Variants in GRM8 observed in about 807,000 individuals in gnomAD.
GRM8 encodes glutamate metabotropic receptor 8, also known as metabotropic glutamate receptor 8.
A neutral mutation model predicts 87.2 loss-of-function variants in GRM8; 47 were observed. The ratio of observed to expected loss-of-function variants is 0.54; its 90% CI spans 0.43 to 0.69. The LOEUF (loss-of-function observed/expected upper bound fraction) is 0.69. Ranked by LOEUF, GRM8 falls within the 30% of genes least tolerant of loss-of-function variation. The pLI is 0.00. For missense variants in GRM8, 1,019 were observed against 1,139.2 expected (o/e 0.89, Z 1.52); for synonymous variants, 396 against 404.5 (o/e 0.98, Z 0.25).
intron 7 of GRM8, among the ~76,000 whole-genome samples, chr7:126,609,837 G>A (rs1798740280): frequency 6.6e-6 from 1 of 152,236 alleles, no homozygotes; most frequent in African/African-American, 2.4e-5. Flanking sequence ...AGAGAAAAAT[G>A]TAAATGTTTT....
At chr7:126,931,495 A>T (rs1278269310) in intron 3 of GRM8, among the ~76,000 whole-genome samples, 1 of 152,228 alleles carries the variant, frequency 6.6e-6, no homozygotes, top group Non-Finnish European at 1.5e-5. Context: ...CATATCATTC[A>T]CAGATAACTA....
At chr7:126,966,042 T>C (rs1468181638) in intron 3 of GRM8, among the ~76,000 whole-genome samples, 1 of 152,138 alleles carries the variant, frequency 6.6e-6, no homozygotes, top group Non-Finnish European at 1.5e-5. Flanking sequence ...AATAGCACTC[T>C]CTAAAACCAA....
intron 2 of GRM8, among the ~76,000 whole-genome samples, chr7:127,133,379 T>C (rs1392285466): frequency 5.9e-5 from 8 of 134,840 alleles, no homozygotes; most frequent in South Asian, 2.4e-4. Context: ...GGTCACGCCA[T>C]TGCACACCAG....
chr7:127,164,145 C>T (rs570060080), intron 2 of GRM8, among the ~76,000 whole-genome samples: 7 of 152,190 alleles, frequency 4.6e-5, no homozygotes, highest in Middle Eastern at 6.8e-3. Flanking sequence ...TAACTCCCCC[C>T]TCACTCTCTT....
At chr7:126,636,534 T>TA (rs1400186141) in intron 7 of GRM8, among the ~76,000 whole-genome samples, 1 of 152,140 alleles carries the variant, frequency 6.6e-6, no homozygotes, top group Non-Finnish European at 1.5e-5. Context: ...TGCAATTTTT[T>TA]AAAAAATATT....
At chr7:127,071,103 A>G (rs1270283893) in intron 3 of GRM8, among the ~76,000 whole-genome samples, 1 of 152,166 alleles carries the variant, frequency 6.6e-6, no homozygotes, top group Non-Finnish European at 1.5e-5. Flanking sequence ...TATTTCACAG[A>G]AAATAACATC....
intron 7 of GRM8, among the ~76,000 whole-genome samples, chr7:126,753,940 A>C (rs1207798438): frequency 6.6e-6 from 1 of 151,966 alleles, no homozygotes; most frequent in Non-Finnish European, 1.5e-5. Flanking sequence ...CCAGGAAACT[A>C]TGCAAAGACT....
chr7:127,028,205 C>A (rs1313217337), intron 3 of GRM8, among the ~76,000 whole-genome samples: 1 of 152,178 alleles, frequency 6.6e-6, no homozygotes, highest in Non-Finnish European at 1.5e-5. Context: ...GGCAGATAAG[C>A]TCTTTGATGT....
chr7:126,798,020 G>A (rs903733624), intron 6 of GRM8, among the ~76,000 whole-genome samples: 7 of 152,110 alleles, frequency 4.6e-5, no homozygotes, highest in East Asian at 1.9e-4. Flanking sequence ...AGAAGAGAAC[G>A]CCTCTAAGAG....
At chr7:126,926,074 C>T (rs1009411169) in intron 3 of GRM8, among the ~76,000 whole-genome samples, 2 of 151,816 alleles carry the variant, frequency 1.3e-5, no homozygotes, top group African/African-American at 2.4e-5. Context: ...GCAGACTTGC[C>T]AATATTGAAT....
intron 6 of GRM8, among the ~76,000 whole-genome samples, chr7:126,858,703 G>A (rs886096816): frequency 1.3e-5 from 2 of 152,060 alleles, no homozygotes; most frequent in Non-Finnish European, 2.9e-5. Context: ...GAAAAGCAAC[G>A]CTGAAATGAC....
chr7:126,826,021 T>G (rs1313339571), intron 6 of GRM8, among the ~76,000 whole-genome samples: 1 of 152,138 alleles, frequency 6.6e-6, no homozygotes, highest in Non-Finnish European at 1.5e-5. Flanking sequence ...ATTTCCAATT[T>G]CATCCATGTC....
chr7:126,490,019 C>T (rs1345829472), intron 9 of GRM8, among the ~76,000 whole-genome samples: 1 of 152,056 alleles, frequency 6.6e-6, no homozygotes, highest in Admixed American at 6.6e-5. Context: ...AGGCCTTCAG[C>T]CTCCAACTGG....
At chr7:127,043,363 G>C (rs974011784) in intron 3 of GRM8, among the ~76,000 whole-genome samples, 5 of 152,132 alleles carry the variant, frequency 3.3e-5, no homozygotes, top group African/African-American at 9.7e-5. Flanking sequence ...TTGGAACCTA[G>C]CCAAATGTCC....
chr7:127,050,449 C>G (rs1205846758), intron 3 of GRM8, among the ~76,000 whole-genome samples: 1 of 152,162 alleles, frequency 6.6e-6, no homozygotes, highest in Non-Finnish European at 1.5e-5. Flanking sequence ...CACCAATTCT[C>G]CCTACCAACC....
rs138400851 is a variant in GRM8 at position 126,966,068 on chromosome 7, T to G, written c.728-61385A>C. ...CTAAAACCAAAAGAGAGCCAAAATA[T>G]ATCTCCATAAGAATATAAGAAATGA... On this transcript the variant is annotated intron_variant, in intron 3 of 10. Transcript: ENST00000339582. Among the ~76,000 whole-genome samples the G allele has an allele frequency of 1.4e-3, 219 of 152,218 alleles. 1 individual carries two copies. Among genetic ancestry groups the G allele is most frequent in the African/African-American group, 5.2e-3 (214 of 41,538 alleles).
intron 1 of GRM8, 23 bp from the exon 2 acceptor site, chr7:127,243,538 G>A: frequency 3.5e-6 from 1 of 282,692 alleles, no homozygotes; most frequent in Non-Finnish European, 6.6e-6. Flanking sequence ...GAAAAAAGGG[G>A]GTTCAGTTCA....
chr7:126,677,869 C>T (rs964391914), intron 7 of GRM8, among the ~76,000 whole-genome samples: 1 of 152,168 alleles, frequency 6.6e-6, no homozygotes, highest in South Asian at 2.1e-4. Context: ...AACAAACTAA[C>T]TGTTCACCAA....
intron 2 of GRM8, among the ~76,000 whole-genome samples, chr7:127,183,172 G>C (rs950658199): frequency 6.6e-6 from 1 of 151,752 alleles, no homozygotes; most frequent in Admixed American, 6.6e-5. Flanking sequence ...TAAACTTCAG[G>C]AAAAATACTT....
Sources: gnomAD v4.1 joint callset for allele counts (sites outside exome capture counted in the v4.1 genomes callset) on GRCh38, gnomAD v4.1.1 for gene constraint, MANE v1.5 for transcripts, NCBI Gene and HGNC (gene_info 2026-07-23, HGNC 2026-07-21) for gene names.